Variants in C1orf115 observed in about 807,000 individuals in gnomAD.
C1orf115 encodes chromosome 1 open reading frame 115.
Under a neutral mutation model 12.5 loss-of-function variants are expected in C1orf115, and 14 were observed. That is an observed-to-expected ratio of 1.12 (90% CI 0.74 to 1.75). The LOEUF (loss-of-function observed/expected upper bound fraction) is 1.75. Ranked by LOEUF, C1orf115 falls within the 40% of genes most tolerant of loss-of-function variation. The pLI, the probability that C1orf115 is intolerant of heterozygous loss-of-function variation, is 0.00. For synonymous variants in C1orf115, 109 were observed against 104.6 expected, an observed-to-expected ratio of 1.04 and a Z score of -0.26; for missense variants, 237 against 220.8, an observed-to-expected ratio of 1.07 and a Z score of -0.46.
chr1:220,697,014 C>T lies in C1orf115; in HGVS notation c.*283C>T, dbSNP rs561577885. 8 of 268,428 alleles carry T rather than the reference C, an allele frequency of 3.0e-5. No individual in the cohort carries two copies. Among genetic ancestry groups the T allele is most frequent in the African/African-American group, 8.7e-5 (4 of 45,984 alleles). The allele number at this position is 268,428 out of a possible 1,614,324, so 16.6% of individuals were successfully genotyped here. A position where few individuals can be genotyped will look rare whatever the true frequency, so the allele number is the denominator to read the frequency against. ...TAGCGTGCTAAAGCCAGAGCCTTCA[C>T]GTGAAGGTGGCAGGCACTGGGGCGG... On this transcript the variant is annotated 3_prime_UTR_variant, in exon 2 of 2. Coordinates refer to ENST00000294889, the MANE Select transcript of C1orf115 (RefSeq NM_024709.5). The surrounding 1 kb of genome is among the most constrained non-coding windows in gnomAD (Gnocchi z 4.5).
Position 220,690,527 on chromosome 1 carries a change from C to G in C1orf115, c.125C>G (p.Ala42Gly). The G allele has an allele frequency of 6.9e-7, 1 of 1,441,690 alleles. No homozygotes were observed. The highest frequency in any genetic ancestry group is 9.1e-7 in the Non-Finnish European group (1 of 1,103,926). 89.3% of individuals were successfully genotyped at this position (1,441,690 alleles called of 1,614,324 possible). ...AAAILEHLEY[A>G]DEAEAAAESG... ...GCCATCCTGGAGCACCTGGAGTACG[C>G]GGACGAGGCGGAGGCGGCGGCCGAG... The change falls in exon 1 of 2, where the codon GCG becomes GGG. Residue 42 changes from alanine (A) to glycine (G), a missense_variant. Transcript: ENST00000294889.
intron 1 of C1orf115, 101 bp from the exon 2 acceptor site, chr1:220,696,511 T>C: frequency 7.5e-7 from 1 of 1,328,492 alleles, no homozygotes; most frequent in Non-Finnish European, 1.0e-6. Flanking sequence ...AAAATGATCT[T>C]TATATATGTC....
At position 220,693,931 on chromosome 1, in the gene C1orf115, T is replaced by A. The variant is rs138299732; in HGVS notation, c.310-2681T>A. 3.2e-3 allele frequency among the ~76,000 whole-genome samples: 491 copies of A among 151,978 alleles called. 5 individuals carry two copies. The highest frequency in any genetic ancestry group is 0.011 in the African/African-American group (470 of 41,460). Reference sequence around the variant, plus strand: ...TGTCTCTACTAAAAATACAAAAAGATTAGCCTGGCGCGGTGGTGCATGCCT... The same window carrying A: ...TGTCTCTACTAAAAATACAAAAAGAATAGCCTGGCGCGGTGGTGCATGCCT... On this transcript the variant is annotated intron_variant, in intron 1 of 1. Transcript: ENST00000294889.
rs1451271417 is a variant in C1orf115 at position 220,697,476 on chromosome 1, C to G, written c.*745C>G. The G allele has an allele frequency of 6.6e-6, 1 of 152,358 alleles. No homozygotes were observed. The highest frequency in any genetic ancestry group is 6.5e-5 in the Admixed American group (1 of 15,286). The allele number at this position is 152,358 out of a possible 1,614,324, so 9.4% of individuals were successfully genotyped here. ...TGGCTGGGACAGGTTGGCTAAGGGA[C>G]TACTCTGGAGGGCTCTTCTGCCTGG... On this transcript the variant is annotated 3_prime_UTR_variant, in exon 2 of 2. Coordinates refer to ENST00000294889, the MANE Select transcript of C1orf115 (RefSeq NM_024709.5). This position sits in a 1 kb window ranked among gnomAD's most constrained non-coding sequence, Gnocchi z 4.5.
chr1:220,690,595 G>A lies in C1orf115; in HGVS notation c.193G>A (p.Gly65Ser), dbSNP rs758255547. Residue 65 changes from glycine (G) to serine (S), a missense_variant, in exon 1 of 2, where the codon GGC becomes AGC. Gly to Ser is a moderately conservative substitution (Grantham distance 56). Coordinates refer to ENST00000294889, the MANE Select transcript of C1orf115 (RefSeq NM_024709.5). ...GGACGAGCGGGGCCCGGGGACCCGGGGCGCGCGGAGGGTGCACTTCGCCCT... is the reference window on the plus strand; with the variant it reads ...GGACGAGCGGGGCCCGGGGACCCGGAGCGCGCGGAGGGTGCACTTCGCCCT... Reference protein sequence around the residue: ...AADERGPGTRGARRVHFALLP... With the variant: ...AADERGPGTRSARRVHFALLP... 1.7e-4 allele frequency: 265 copies of A among 1,517,790 alleles called. No homozygotes were observed. The highest frequency in any genetic ancestry group is 2.1e-4 in the Non-Finnish European group (233 of 1,135,480). The allele number at this position is 1,517,790 out of a possible 1,614,324, so 94.0% of individuals were successfully genotyped here.
chr1:220,690,788 C>T, intron 1 of C1orf115, 77 bp downstream of exon 1: 1 of 1,482,878 alleles, frequency 6.7e-7, no homozygotes, highest in Admixed American at 2.2e-5. Flanking sequence ...GGGTCCTTAC[C>T]ATCGACTCAC....
Position 220,697,225 on chromosome 1 carries a change from A to G in C1orf115, c.*494A>G, listed in dbSNP as rs1216800527. The G allele has an allele frequency of 6.6e-6, 1 of 152,170 alleles. No homozygotes were observed. The highest frequency in any genetic ancestry group is 1.5e-5 in the Non-Finnish European group (1 of 68,238). The allele number at this position is 152,170 out of a possible 1,614,324, so 9.4% of individuals were successfully genotyped here. A position where few individuals can be genotyped will look rare whatever the true frequency, so the allele number is the denominator to read the frequency against. ...CAGCTAAGGAGCTGTTTATTCCTCA[A>G]GTCATGCTCCCCGATCTCCTTCCTC... is the stretch of plus-strand genomic sequence containing the variant. On this transcript the variant is annotated 3_prime_UTR_variant, in exon 2 of 2. Transcript: ENST00000294889. This position sits in a 1 kb window ranked among gnomAD's most constrained non-coding sequence, Gnocchi z 4.5.
intron 1 of C1orf115, among the ~76,000 whole-genome samples, chr1:220,691,969 C>A (rs1283938613): frequency 6.6e-6 from 1 of 152,168 alleles, no homozygotes; most frequent in African/African-American, 2.4e-5. Flanking sequence ...GCAGTTCACT[C>A]CTCAGCGGTG....
chr1:220,690,548 C>CCGAGAGCGGGACGAGCGCGGCGGA lies in C1orf115; in HGVS notation c.151_174dup (p.Ser51_Glu58dup). On this transcript the variant is annotated inframe_insertion, in exon 1 of 2. Transcript: ENST00000294889. ...TACGCGGACGAGGCGGAGGCGGCGGCCGAGAGCGGGACGAGCGCGGCGGAC... is the reference window on the plus strand; with the variant it reads ...TACGCGGACGAGGCGGAGGCGGCGGCCGAGAGCGGGACGAGCGCGGCGGACGAGAGCGGGACGAGCGCGGCGGAC... The CCGAGAGCGGGACGAGCGCGGCGGA allele has an allele frequency of 6.9e-7, 1 of 1,458,478 alleles. No individual in the cohort carries two copies. Among genetic ancestry groups the CCGAGAGCGGGACGAGCGCGGCGGA allele is most frequent in the Non-Finnish European group, 9.0e-7 (1 of 1,111,292 alleles). The allele number at this position is 1,458,478 out of a possible 1,614,324, so 90.3% of individuals were successfully genotyped here. A position where few individuals can be genotyped will look rare whatever the true frequency, so the allele number is the denominator to read the frequency against.
In C1orf115 at chr1:220,690,374, C is replaced by G. The variant is rs1670077221; in HGVS notation, c.-29C>G. 4 of 1,378,956 alleles carry G rather than the reference C, an allele frequency of 2.9e-6. No individual in the cohort carries two copies. Among genetic ancestry groups the G allele is most frequent in the Non-Finnish European group, 3.7e-6 (4 of 1,073,254 alleles). The allele number at this position is 1,378,956 out of a possible 1,614,324, so 85.4% of individuals were successfully genotyped here. A position where few individuals can be genotyped will look rare whatever the true frequency, so the allele number is the denominator to read the frequency against. ...GACCAAAGGTTGGTGTCTTTGCGCT[C>G]GGACCTTCGCCAGAGGGGCCGGGAC... is the stretch of plus-strand genomic sequence containing the variant. On this transcript the variant is annotated 5_prime_UTR_variant, in exon 1 of 2. Coordinates refer to ENST00000294889, the MANE Select transcript of C1orf115 (RefSeq NM_024709.5).
In C1orf115 at chr1:220,696,915, ATC is replaced by A; in HGVS notation, c.*189_*190del. On this transcript the variant is annotated 3_prime_UTR_variant, in exon 2 of 2. Transcript: ENST00000294889. ...CCTGCCCATCTGCTGAGCTTCTCAC[ATC>A]TCTCAGTCACACGTGGACCCAGTGG... is the stretch of plus-strand genomic sequence containing the variant. 1 of 726,358 alleles carries A rather than the reference ATC, an allele frequency of 1.4e-6. No homozygotes were observed. The allele number at this position is 726,358 out of a possible 1,614,324, so 45.0% of individuals were successfully genotyped here.
chr1:220,692,258 A>G (rs1402035273), intron 1 of C1orf115, among the ~76,000 whole-genome samples: 1 of 152,202 alleles, frequency 6.6e-6, no homozygotes, highest in African/African-American at 2.4e-5. Flanking sequence ...TTCAGTGTAG[A>G]CTTATTCTGT....
intron 1 of C1orf115, among the ~76,000 whole-genome samples, chr1:220,695,055 A>T (rs1338211017): frequency 6.6e-6 from 1 of 152,172 alleles, no homozygotes; most frequent in Non-Finnish European, 1.5e-5. Context: ...AGAGAAAGAC[A>T]GAAAAGCGTC....
rs150105804 is a variant in C1orf115, at chr1:220,696,418, A to G, written c.310-194A>G. Among the ~76,000 whole-genome samples the G allele has an allele frequency of 1.1e-4, 16 of 152,326 alleles. No homozygotes were observed. In the East Asian group the frequency reaches 2.9e-3, roughly 28 times the overall value. ...GATGATGTCTGCTGTGAGCCGCTAC[A>G]TATTCTTAGGCTGGAGGTGGGCACC... On this transcript the variant is annotated intron_variant, in intron 1 of 1. Transcript: ENST00000294889.
Position 220,695,506 on chromosome 1 carries a change from T to G in C1orf115, c.310-1106T>G, listed in dbSNP as rs528473862. On this transcript the variant is annotated intron_variant, in intron 1 of 1. Transcript: ENST00000294889. ...TGACGATGTCTGGGTTTTTTTTTTT[T>G]TTTTTTTTTTCTGTGAAAGGTGAAG... is the stretch of plus-strand genomic sequence containing the variant. 4.0e-5 allele frequency among the ~76,000 whole-genome samples: 6 copies of G among 149,292 alleles called. No individual in the cohort carries two copies. The South Asian group carries it at 1.3e-3, about 32-fold the overall frequency.
At chr1:220,693,217 G>A (rs563177624) in intron 1 of C1orf115, among the ~76,000 whole-genome samples, 3 of 152,248 alleles carry the variant, frequency 2.0e-5, no homozygotes, top group African/African-American at 7.2e-5. Context: ...GATATTTTAT[G>A]TTTCTTTGCA....
chr1:220,694,321 A>G (rs1670156412), intron 1 of C1orf115, among the ~76,000 whole-genome samples: 1 of 152,168 alleles, frequency 6.6e-6, no homozygotes, highest in African/African-American at 2.4e-5. Flanking sequence ...TGCTTACATG[A>G]TCTCATTTAC....
chr1:220,694,196 A>C (rs542627863), intron 1 of C1orf115, among the ~76,000 whole-genome samples: 1 of 152,288 alleles, frequency 6.6e-6, no homozygotes, highest in African/African-American at 2.4e-5. Flanking sequence ...CACCACCACA[A>C]ACCTAAATTG....
chr1:220,692,830 C>CA lies in C1orf115; in HGVS notation c.309+2127dup, dbSNP rs1355253829. Among the ~76,000 whole-genome samples the CA allele has an allele frequency of 1.2e-4, 18 of 151,724 alleles. No individual in the cohort carries two copies. In the South Asian group the frequency reaches 1.7e-3, roughly 14 times the overall value. ...TGAATTTTGCCTTAACTAAAACAAA[C>CA]AAAAAAAACAAGATTTCAGTGGATA... On this transcript the variant is annotated intron_variant, in intron 1 of 1. Coordinates refer to ENST00000294889, the MANE Select transcript of C1orf115 (RefSeq NM_024709.5).
Sources: allele counts gnomAD v4.1 joint callset (sites outside exome capture counted in the v4.1 genomes callset), GRCh38; gene constraint gnomAD v4.1.1; non-coding constraint Gnocchi (gnomAD v3.1); transcripts MANE v1.5; gene names NCBI Gene and HGNC (gene_info 2026-07-23, HGNC 2026-07-21).